CSRNP3: variants seen among roughly 807,000 people sequenced by gnomAD.
CSRNP3 encodes cysteine/serine-rich nuclear protein 3.
In CSRNP3, 12 loss-of-function variants were observed where a neutral mutation model predicts 48.0. That is an observed-to-expected ratio of 0.25 (90% confidence interval 0.16 to 0.41). CSRNP3 has a LOEUF of 0.41. Among genes scored for constraint, CSRNP3 ranks in the 10% least tolerant of loss-of-function variants. CSRNP3 has a pLI of 1.00. For missense variants in CSRNP3, 580 were observed against 724.4 expected (o/e 0.80, Z 2.29); for synonymous variants, 263 against 269.7 (o/e 0.98, Z 0.24).
At chr2:165,583,384 A>G (rs1294394997) in intron 3 of CSRNP3, among the ~76,000 whole-genome samples, 4 of 152,210 alleles carry the variant, frequency 2.6e-5, no homozygotes, top group Non-Finnish European at 4.4e-5. Context: ...TGAAAGGAGC[A>G]TCCCCCAACA....
intron 4 of CSRNP3, among the ~76,000 whole-genome samples, chr2:165,622,939 TTA>T (rs1686365101): frequency 6.6e-6 from 1 of 152,172 alleles, no homozygotes; most frequent in African/African-American, 2.4e-5. Context: ...AACCCAGACA[TTA>T]TGTTTTTAGG....
intron 3 of CSRNP3, among the ~76,000 whole-genome samples, chr2:165,578,638 T>A (rs1293189658): frequency 7.3e-6 from 1 of 137,620 alleles, no homozygotes; most frequent in African/African-American, 2.5e-5. Context: ...TGAGGATTCT[T>A]ACTTTAACAA....
chr2:165,659,760 AC>A (rs1185559961), intron 5 of CSRNP3, among the ~76,000 whole-genome samples: 1 of 152,234 alleles, frequency 6.6e-6, no homozygotes, highest in East Asian at 1.9e-4. Flanking sequence ...TTTGTTAAAT[AC>A]CTGAAGCACC....
intron 4 of CSRNP3, among the ~76,000 whole-genome samples, chr2:165,601,118 C>T (rs895661777): frequency 1.5e-4 from 23 of 152,196 alleles, no homozygotes; most frequent in Admixed American, 2.6e-4. Context: ...ATATCTTGTA[C>T]TTCCCTTGAG....
At position 165,657,909 on chromosome 2, in the gene CSRNP3, C is replaced by T. The variant is rs1353513580; in HGVS notation, c.297C>T (p.Asn99=). 5.0e-6 allele frequency: 8 copies of T among 1,614,010 alleles called. No homozygotes were observed. Among genetic ancestry groups the T allele is most frequent in the South Asian group, 1.1e-5 (1 of 91,086 alleles). Residue 99 remains asparagine, a synonymous_variant, in exon 5 of 7, where the codon AAC becomes AAT. Coordinates refer to ENST00000651982, the MANE Select transcript of CSRNP3 (RefSeq NM_001172173.2). The part of the protein sequence containing the change: ...GSTLGMSSRH[N]SVRQYTLGEF... ...CCCTGGGGATGTCCAGCCGCCATAA[C>T]AGCGTGCGCCAGTACACTCTTGGCG...
At chr2:165,531,996 A>C (rs982993827) in intron 3 of CSRNP3, among the ~76,000 whole-genome samples, 1 of 152,192 alleles carries the variant, frequency 6.6e-6, no homozygotes, top group African/African-American at 2.4e-5. Flanking sequence ...ACATCCTCCC[A>C]AGACGAAACC....
intron 5 of CSRNP3, among the ~76,000 whole-genome samples, chr2:165,667,872 T>C (rs546536986): frequency 1.9e-4 from 29 of 152,358 alleles, no homozygotes; most frequent in Admixed American, 1.9e-3. Flanking sequence ...CCCAGCAGAC[T>C]GGAACCTCCT....
At chr2:165,590,709 G>A (rs532117844) in intron 3 of CSRNP3, among the ~76,000 whole-genome samples, 11 of 152,162 alleles carry the variant, frequency 7.2e-5, no homozygotes, top group South Asian at 4.2e-4. Context: ...CCCTCTATTC[G>A]GCACTTTTCT....
intron 3 of CSRNP3, among the ~76,000 whole-genome samples, chr2:165,556,941 T>C (rs1685167355): frequency 6.6e-6 from 1 of 152,214 alleles, no homozygotes; most frequent in South Asian, 2.1e-4. Flanking sequence ...GACTAACTTA[T>C]CTATTTGGAT....
At chr2:165,666,869 AAGAG>A (rs141944821) in intron 5 of CSRNP3, among the ~76,000 whole-genome samples, 10,578 of 106,326 alleles carry the variant, frequency 0.099, 607 homozygotes, top group South Asian at 0.21. Flanking sequence ...GAGAGTAAGA[AAGAG>A]AGAGAGGAAG....
intron 1 of CSRNP3, among the ~76,000 whole-genome samples, chr2:165,494,404 A>T (rs1385580633): frequency 6.6e-6 from 1 of 152,054 alleles, no homozygotes; most frequent in African/African-American, 2.4e-5. Context: ...TTTGTTCTGA[A>T]CTCTGGCTCT....
intron 2 of CSRNP3, among the ~76,000 whole-genome samples, chr2:165,503,982 G>A (rs1041881583): frequency 2.0e-5 from 3 of 151,746 alleles, no homozygotes; most frequent in Non-Finnish European, 4.4e-5. Context: ...ATAGTACATA[G>A]CAAGGTAATC....
intron 1 of CSRNP3, among the ~76,000 whole-genome samples, chr2:165,481,824 C>T (rs938467128): frequency 2.0e-5 from 3 of 152,104 alleles, no homozygotes; most frequent in Non-Finnish European, 4.4e-5. Context: ...CAAACTAACA[C>T]AGGGACAGAA....
intron 6 of CSRNP3, among the ~76,000 whole-genome samples, chr2:165,677,732 G>A (rs1687451043): frequency 6.6e-6 from 1 of 152,124 alleles, no homozygotes; most frequent in South Asian, 2.1e-4. Flanking sequence ...AGCAGAGCAA[G>A]TTTTTTTCTC....
Position 165,500,443 on chromosome 2 carries a change from G to GTATATATA in CSRNP3, c.-113+5529_-113+5536dup, listed in dbSNP as rs34901472. 2.3e-4 allele frequency among the ~76,000 whole-genome samples: 33 copies of GTATATATA among 142,858 alleles called. 1 individual carries two copies. Among genetic ancestry groups the GTATATATA allele is most frequent in the African/African-American group, 7.7e-4 (30 of 38,798 alleles). 93.7% of individuals were successfully genotyped at this position (142,858 alleles called of 152,430 possible). On this transcript the variant is annotated intron_variant, in intron 2 of 6. Coordinates refer to ENST00000651982, the MANE Select transcript of CSRNP3 (RefSeq NM_001172173.2). ...TATACACACACACACACACACACGTGTATATATATATATATATATATTTTG... is the reference window on the plus strand; with the variant it reads ...TATACACACACACACACACACACGTGTATATATATATATATATATATATATATATTTTG...
chr2:165,531,521 T>C (rs1159890241), intron 3 of CSRNP3, among the ~76,000 whole-genome samples: 2 of 152,204 alleles, frequency 1.3e-5, no homozygotes, highest in Admixed American at 6.5e-5. Flanking sequence ...TTTTTTGTCC[T>C]TGTGATATTT....
At chr2:165,621,650 T>G (rs983482951) in intron 4 of CSRNP3, among the ~76,000 whole-genome samples, 8 of 152,222 alleles carry the variant, frequency 5.3e-5, no homozygotes, top group Admixed American at 2.0e-4. Context: ...TATAGTTTTA[T>G]TAAAGAGAAT....
In CSRNP3 at chr2:165,656,639, A is replaced by C. The variant is rs567738741; in HGVS notation, c.149-1122A>C. 8.5e-5 allele frequency among the ~76,000 whole-genome samples: 13 copies of C among 152,296 alleles called. 1 individual carries two copies. The South Asian group carries it at 2.7e-3, about 32-fold the overall frequency. On this transcript the variant is annotated intron_variant, in intron 4 of 6. Coordinates refer to ENST00000651982, the MANE Select transcript of CSRNP3 (RefSeq NM_001172173.2). Reference sequence around the variant, plus strand: ...CTTGCATTAGAATCCCATTGTTCATAATGCTATTTAATGAGAACACTGGTC... The same window carrying C: ...CTTGCATTAGAATCCCATTGTTCATCATGCTATTTAATGAGAACACTGGTC...
At chr2:165,576,907 T>C (rs1469090337) in intron 3 of CSRNP3, among the ~76,000 whole-genome samples, 4 of 152,006 alleles carry the variant, frequency 2.6e-5, no homozygotes, top group Non-Finnish European at 5.9e-5. Context: ...TTTGAGGATT[T>C]TTCAAAAATG....
Sources: gnomAD v4.1 joint callset for allele counts (sites outside exome capture counted in the v4.1 genomes callset) on GRCh38, gnomAD v4.1.1 for gene constraint, MANE v1.5 for transcripts, NCBI Gene and HGNC (gene_info 2026-07-23, HGNC 2026-07-21) for gene names.